The following TBC1D13 variants were observed in gnomAD, a reference collection of about 807,000 sequenced individuals.
TBC1D13 encodes the protein epididymis secretory sperm binding protein.
In TBC1D13, 40 loss-of-function variants were observed where a neutral mutation model predicts 53.6. The ratio of observed to expected loss-of-function variants is 0.75; its 90% CI spans 0.58 to 0.97. The LOEUF (loss-of-function observed/expected upper bound fraction) is 0.97, where lower values mean the gene tolerates loss of function less well. Among genes scored for constraint, TBC1D13 ranks in the 50% least tolerant of loss-of-function variants. The pLI is 0.00. For missense variants in TBC1D13, 377 were observed against 499.4 expected, an observed-to-expected ratio of 0.75 and a Z score of 2.34; for synonymous variants, 182 against 197.7, an observed-to-expected ratio of 0.92 and a Z score of 0.67.
chr9:128,803,624 T>G (rs950988770), intron 8 of TBC1D13, among the ~76,000 whole-genome samples, 164 bp downstream of exon 8: 5 of 152,236 alleles, frequency 3.3e-5, no homozygotes, highest in African/African-American at 1.2e-4. Flanking sequence ...GTTGGTTGTT[T>G]ACTGATCTCT....
At chr9:128,793,322 G>A (rs1829568362) in intron 6 of TBC1D13, among the ~76,000 whole-genome samples, 1 of 152,260 alleles carries the variant, frequency 6.6e-6, no homozygotes, top group African/African-American at 2.4e-5. Context: ...CAATGTGTTT[G>A]TGCTTTTCCA....
At chr9:128,795,767 A>AT (rs924532708) in intron 6 of TBC1D13, among the ~76,000 whole-genome samples, 2 of 150,932 alleles carry the variant, frequency 1.3e-5, no homozygotes, top group East Asian at 2.0e-4. Context: ...GCCCCAACTA[A>AT]TTTTTTTTAC....
In TBC1D13 at chr9:128,787,297, CGCAGGCGGCAGA is replaced by C. The variant is rs1457088582; in HGVS notation, c.-55_-44del. 2.4e-5 allele frequency: 30 copies of C among 1,254,250 alleles called. No homozygotes were observed. Among genetic ancestry groups the C allele is most frequent in the South Asian group, 4.0e-5 (1 of 24,778 alleles). The allele number at this position is 1,254,250 out of a possible 1,614,324, so 77.7% of individuals were successfully genotyped here. A position where few individuals can be genotyped will look rare whatever the true frequency, so the allele number is the denominator to read the frequency against. On this transcript the variant is annotated 5_prime_UTR_variant, in exon 1 of 12. Transcript: ENST00000372648. Reference sequence around the variant, plus strand: ...TGGGGGGCGGCGGCGGCGGCGGCAGCGCAGGCGGCAGAGGCGCAGGCGGCGGAGGCGGCTGGG... The same window carrying C: ...TGGGGGGCGGCGGCGGCGGCGGCAGCGGCGCAGGCGGCGGAGGCGGCTGGG...
chr9:128,791,427 C>T lies in TBC1D13; in HGVS notation c.186C>T (p.Ile62=), dbSNP rs267602138. ...TGGAGAGAGCCTCATGGACCTCCAT[C>T]CTGGCCAAGCAGAGGTGAGACCCCG... The part of the protein sequence containing the change: ...LPLERASWTS[I]LAKQRELYAQ... Residue 62 remains isoleucine (I), a synonymous_variant, in exon 4 of 12, where the codon ATC becomes ATT. Coordinates refer to ENST00000372648, the MANE Select transcript of TBC1D13 (RefSeq NM_018201.5). 10 of 1,614,066 alleles carry T rather than the reference C, an allele frequency of 6.2e-6. No homozygotes were observed. Among genetic ancestry groups the T allele is most frequent in the Non-Finnish European group, 8.5e-6 (10 of 1,180,038 alleles).
chr9:128,787,421 G>A, intron 1 of TBC1D13, 45 bp downstream of exon 1: 1 of 1,250,316 alleles, frequency 8.0e-7, no homozygotes, highest in African/African-American at 1.5e-5. Flanking sequence ...CTCCTGGCCA[G>A]GCTGCCCCTT....
rs113641980 is a variant in TBC1D13 at position 128,795,556 on chromosome 9, G to A, written c.384-1499G>A. Among the ~76,000 whole-genome samples, 503 of 133,044 alleles carry A rather than the reference G, an allele frequency of 3.8e-3. 2 individuals are homozygous for A. Among genetic ancestry groups the A allele is most frequent in the African/African-American group, 0.014 (474 of 34,684 alleles). 87.3% of individuals were successfully genotyped at this position (133,044 alleles called of 152,430 possible). On this transcript the variant is annotated intron_variant, in intron 6 of 11. Transcript: ENST00000372648. ...GCTCACTGCAAGCTCCGCCTCCCGGGTTCACACCATTCTCCTGCCTCAGCC... is the reference window on the plus strand; with the variant it reads ...GCTCACTGCAAGCTCCGCCTCCCGGATTCACACCATTCTCCTGCCTCAGCC...
chr9:128,807,977 G>A lies in TBC1D13; in HGVS notation c.*98G>A. ...AACCTGTAGGAACCCAGCCTGAGGG[G>A]AAGCCACAGGATCGGCCCGAGACCC... On this transcript the variant is annotated 3_prime_UTR_variant, in exon 12 of 12. Coordinates refer to ENST00000372648, the MANE Select transcript of TBC1D13 (RefSeq NM_018201.5). 1 of 1,193,490 alleles carries A rather than the reference G, an allele frequency of 8.4e-7. No individual in the cohort carries two copies. Among genetic ancestry groups the A allele is most frequent in the Non-Finnish European group, 1.2e-6 (1 of 814,050 alleles). 73.9% of individuals were successfully genotyped at this position (1,193,490 alleles called of 1,614,324 possible).
At chr9:128,804,540 G>A (rs997192501) in intron 9 of TBC1D13, among the ~76,000 whole-genome samples, 5 of 150,706 alleles carry the variant, frequency 3.3e-5, no homozygotes, top group Non-Finnish European at 7.4e-5. Flanking sequence ...CCAAGCAGCT[G>A]GGACTACAGG....
intron 2 of TBC1D13, 32 bp from the exon 3 acceptor site, chr9:128,790,703 T>G: frequency 6.5e-7 from 1 of 1,535,768 alleles, no homozygotes; most frequent in East Asian, 2.6e-5. Flanking sequence ...GACTCTGGCC[T>G]GGGGCATGAC....
chr9:128,792,419 AG>A, intron 5 of TBC1D13, 72 bp from the exon 6 acceptor site: 2 of 1,373,262 alleles, frequency 1.5e-6, no homozygotes, highest in Non-Finnish European at 2.1e-6. Context: ...GCCACTGCTC[AG>A]GTTTCCGGGA....
At chr9:128,799,101 C>T (rs1829688639) in intron 7 of TBC1D13, among the ~76,000 whole-genome samples, 1 of 152,174 alleles carries the variant, frequency 6.6e-6, no homozygotes, top group African/African-American at 2.4e-5. Context: ...GGGTGCCCAG[C>T]AGAACTGCTG....
chr9:128,787,307 A>G lies in TBC1D13; in HGVS notation c.-47A>G, dbSNP rs996704024. 4.1e-4 allele frequency: 520 copies of G among 1,255,546 alleles called. 3 individuals are homozygous for G. Among genetic ancestry groups the G allele is most frequent in the Non-Finnish European group, 4.9e-4 (489 of 994,532 alleles). 77.8% of individuals were successfully genotyped at this position (1,255,546 alleles called of 1,614,324 possible). A position where few individuals can be genotyped will look rare whatever the true frequency, so the allele number is the denominator to read the frequency against. On this transcript the variant is annotated 5_prime_UTR_variant, in exon 1 of 12. Coordinates refer to ENST00000372648, the MANE Select transcript of TBC1D13 (RefSeq NM_018201.5). ...CGGCGGCGGCGGCAGCGCAGGCGGC[A>G]GAGGCGCAGGCGGCGGAGGCGGCTG...
At chr9:128,791,232 CT>C in intron 3 of TBC1D13, 147 bp from the exon 4 acceptor site, 1 of 763,030 alleles carries the variant, frequency 1.3e-6, no homozygotes, top group Non-Finnish European at 2.2e-6. Flanking sequence ...GAGGCTACCC[CT>C]AGCTCATGCT....
At chr9:128,790,700 G>T in intron 2 of TBC1D13, 35 bp from the exon 3 acceptor site, 1 of 1,535,282 alleles carries the variant, frequency 6.5e-7, no homozygotes, top group Non-Finnish European at 8.7e-7. Flanking sequence ...TGGGACTCTG[G>T]CCTGGGGCAT....
At chr9:128,792,688 G>A in intron 6 of TBC1D13, 114 bp downstream of exon 6, 2 of 953,028 alleles carry the variant, frequency 2.1e-6, no homozygotes, top group Non-Finnish European at 3.2e-6. Flanking sequence ...CGGAGCTGCT[G>A]GTGGATTGTC....
chr9:128,790,700 G>A, intron 2 of TBC1D13, 35 bp from the exon 3 acceptor site: 3 of 1,535,282 alleles, frequency 2.0e-6, no homozygotes, highest in Non-Finnish European at 1.7e-6. Flanking sequence ...TGGGACTCTG[G>A]CCTGGGGCAT....
intron 6 of TBC1D13, 46 bp downstream of exon 6, chr9:128,792,620 G>C: frequency 1.3e-6 from 2 of 1,554,148 alleles, no homozygotes; most frequent in African/African-American, 2.7e-5. Flanking sequence ...GGGACTTCTG[G>C]GGCTCTCTGC....
rs1829892163 is a variant in TBC1D13, at chr9:128,808,741, C to G, written c.*862C>G. On this transcript the variant is annotated 3_prime_UTR_variant, in exon 12 of 12. Transcript: ENST00000372648. ...TGGCCTTTGCCTCCTGTTCCCATCC[C>G]CCAGCCCTGGCTCCTAGGTCCTCCC... 1 of 152,556 alleles carries G rather than the reference C, an allele frequency of 6.6e-6. No individual in the cohort carries two copies. Among genetic ancestry groups the G allele is most frequent in the African/African-American group, 2.4e-5 (1 of 41,552 alleles). 9.5% of individuals were successfully genotyped at this position (152,556 alleles called of 1,614,324 possible).
Position 128,802,040 on chromosome 9 carries a change from C to A in TBC1D13, c.544-1210C>A, listed in dbSNP as rs556798504. ...CCTCCCAAAGTGCTGGGATTACAGG[C>A]GTGAGCCACCGCACCCAGCCTGTTT... On this transcript the variant is annotated intron_variant, in intron 7 of 11. Transcript: ENST00000372648. 8.6e-4 allele frequency among the ~76,000 whole-genome samples: 126 copies of A among 146,252 alleles called. 7 individuals carry two copies. The highest frequency in any genetic ancestry group is 1.0e-3 in the Non-Finnish European group (69 of 66,218).
Sources: gnomAD v4.1 joint callset for allele counts (sites outside exome capture counted in the v4.1 genomes callset) on GRCh38, gnomAD v4.1.1 for gene constraint, MANE v1.5 for transcripts, NCBI Gene and HGNC (gene_info 2026-07-23, HGNC 2026-07-21) for gene names.